The following NRCAM variants were observed in gnomAD, a reference collection of about 807,000 sequenced individuals.
NRCAM encodes the protein NgCAM-related cell adhesion molecule.
In NRCAM, 83 loss-of-function variants were observed where a neutral mutation model predicts 156.5. That is an observed-to-expected ratio of 0.53 (90% CI 0.44 to 0.64). NRCAM has a LOEUF of 0.64. NRCAM is among the 30% of genes least tolerant of loss of function. NRCAM has a pLI of 0.00. For missense variants in NRCAM, 1,417 were observed against 1,597.3 expected, an observed-to-expected ratio of 0.89 and a Z score of 1.92; for synonymous variants, 538 against 563.9, an observed-to-expected ratio of 0.95 and a Z score of 0.65.
intron 32 of NRCAM, among the ~76,000 whole-genome samples, chr7:108,155,766 T>C (rs1422036825): frequency 1.3e-5 from 2 of 152,094 alleles, no homozygotes; most frequent in Non-Finnish European, 2.9e-5. Flanking sequence ...TGTAAAATAA[T>C]AGAGGAGACA....
At chr7:108,299,105 CAAAA>C (rs1292917918) in intron 3 of NRCAM, among the ~76,000 whole-genome samples, 1 of 16,954 alleles carries the variant, frequency 5.9e-5, no homozygotes, top group Admixed American at 1.0e-3. Context: ...GACTCCATCT[CAAAA>C]AAAAAAAAGA....
At chr7:108,175,561 G>A (rs2060162305) in intron 27 of NRCAM, among the ~76,000 whole-genome samples, 1 of 152,106 alleles carries the variant, frequency 6.6e-6, no homozygotes, top group South Asian at 2.1e-4. Context: ...ATTTTATCAG[G>A]ATACCCAGTT....
intron 1 of NRCAM, among the ~76,000 whole-genome samples, chr7:108,408,496 G>T (rs1791265307): frequency 6.6e-6 from 1 of 152,192 alleles, no homozygotes; most frequent in South Asian, 2.1e-4. Flanking sequence ...GAGAAAAGCT[G>T]TCCCGGAAAA....
rs1338037687 is a variant in NRCAM at position 108,178,017 on chromosome 7, T to C, written c.2947A>G (p.Thr983Ala). ...DPPSHPNGIL[T>A]EYTLKYQPIN... ...GGCTGATACTTTAAGGTGTACTCTG[T>C]CAAAATGCCATTCGGGTGGCTCGGT... The change falls in exon 26 of 33, where the codon ACA becomes GCA. Residue 983 changes from threonine (T) to alanine (A), a missense_variant. Coordinates refer to ENST00000379028, the MANE Select transcript of NRCAM (RefSeq NM_001037132.4). The C allele has an allele frequency of 1.2e-6, 2 of 1,613,570 alleles. No homozygotes were observed. The highest frequency in any genetic ancestry group is 3.3e-5 in the Admixed American group (2 of 60,008).
At chr7:108,302,568 T>G (rs551545639) in intron 3 of NRCAM, among the ~76,000 whole-genome samples, 1 of 152,312 alleles carries the variant, frequency 6.6e-6, no homozygotes, top group South Asian at 2.1e-4. Flanking sequence ...AAGTTCTTGG[T>G]AAATTTAAAC....
chr7:108,236,990 T>C (rs1290437906), intron 5 of NRCAM, among the ~76,000 whole-genome samples: 2 of 152,178 alleles, frequency 1.3e-5, no homozygotes, highest in Middle Eastern at 3.2e-3. Flanking sequence ...GAGTTTACTG[T>C]CTGGATATAC....
chr7:108,245,997 G>A (rs1295535653), intron 3 of NRCAM, among the ~76,000 whole-genome samples: 1 of 152,200 alleles, frequency 6.6e-6, no homozygotes, highest in Non-Finnish European at 1.5e-5. Flanking sequence ...CCTGACCAAG[G>A]ATGGCACCTG....
chr7:108,282,401 A>G (rs540747769), intron 3 of NRCAM, among the ~76,000 whole-genome samples: 1 of 152,248 alleles, frequency 6.6e-6, no homozygotes, highest in African/African-American at 2.4e-5. Flanking sequence ...AACATATAAC[A>G]CTGGGGCAGT....
chr7:108,441,043 G>C (rs989472463), intron 1 of NRCAM, among the ~76,000 whole-genome samples: 1 of 152,112 alleles, frequency 6.6e-6, no homozygotes, highest in South Asian at 2.1e-4. Flanking sequence ...TATCTTGTAG[G>C]TTTGTTGTTC....
At chr7:108,267,958 T>G (rs987637527) in intron 3 of NRCAM, among the ~76,000 whole-genome samples, 3 of 152,148 alleles carry the variant, frequency 2.0e-5, no homozygotes, top group African/African-American at 7.2e-5. Context: ...AAATTCCTGC[T>G]ATCTCACACA....
chr7:108,384,364 A>G (rs2099726872), intron 2 of NRCAM, among the ~76,000 whole-genome samples: 1 of 152,166 alleles, frequency 6.6e-6, no homozygotes, highest in Non-Finnish European at 1.5e-5. Flanking sequence ...AACTGGTAGA[A>G]AAAAAATAAA....
chr7:108,240,576 A>G (rs1430912562), intron 3 of NRCAM, among the ~76,000 whole-genome samples: 1 of 152,150 alleles, frequency 6.6e-6, no homozygotes, highest in Non-Finnish European at 1.5e-5. Flanking sequence ...GGGAAAGTTC[A>G]GGGGATTGTT....
At chr7:108,308,092 C>T (rs1255551689) in intron 3 of NRCAM, among the ~76,000 whole-genome samples, 1 of 152,138 alleles carries the variant, frequency 6.6e-6, no homozygotes. Context: ...ATGCTGAATA[C>T]AAAGATCCTA....
chr7:108,155,087 C>CATAT (rs148453642), intron 32 of NRCAM, among the ~76,000 whole-genome samples: 8,131 of 112,706 alleles, frequency 0.072, 316 homozygotes, highest in East Asian at 0.093. Context: ...ATTTAAAAGT[C>CATAT]ATATATATAT....
chr7:108,253,499 T>C (rs1330641602), intron 3 of NRCAM, among the ~76,000 whole-genome samples: 1 of 152,164 alleles, frequency 6.6e-6, no homozygotes, highest in African/African-American at 2.4e-5. Flanking sequence ...CAGAAGGGGA[T>C]GAAGGATACT....
At chr7:108,454,489 T>A (rs1376188171) in intron 1 of NRCAM, among the ~76,000 whole-genome samples, 14 of 152,210 alleles carry the variant, frequency 9.2e-5, no homozygotes, top group Admixed American at 6.5e-5. Flanking sequence ...TTAAATGAGA[T>A]GATACATGTA....
At chr7:108,258,820 C>T (rs189553195) in intron 3 of NRCAM, among the ~76,000 whole-genome samples, 70 of 152,286 alleles carry the variant, frequency 4.6e-4, no homozygotes, top group Admixed American at 1.0e-3. Flanking sequence ...GTTGTTCTCT[C>T]GACCCAGTCT....
chr7:108,229,057 G>C (rs1450228139), intron 8 of NRCAM, among the ~76,000 whole-genome samples: 2 of 152,164 alleles, frequency 1.3e-5, no homozygotes, highest in South Asian at 2.1e-4. Flanking sequence ...TGAGTGCACA[G>C]ACAATCAGGT....
chr7:108,188,458 A>T (rs942345429), intron 20 of NRCAM, among the ~76,000 whole-genome samples: 1 of 151,960 alleles, frequency 6.6e-6, no homozygotes, highest in African/African-American at 2.4e-5. Context: ...ATGTATTATT[A>T]ATTTTATCTT....
Sources: allele counts gnomAD v4.1 joint callset (sites outside exome capture counted in the v4.1 genomes callset), GRCh38; gene constraint gnomAD v4.1.1; transcripts MANE v1.5; gene names NCBI Gene and HGNC (gene_info 2026-07-23, HGNC 2026-07-21).